Variants in CNBD2 observed in about 807,000 individuals in gnomAD.
The protein encoded by CNBD2 is cyclic nucleotide binding domain containing 2, also known as cyclic nucleotide-binding domain-containing protein 2.
CNBD2 carries 64 observed loss-of-function variants against 63.7 expected under a neutral mutation model. The observed-to-expected ratio is 1.00, with a 90% CI of 0.82 to 1.24. The LOEUF (loss-of-function observed/expected upper bound fraction) is 1.24, where lower values mean the gene tolerates loss of function less well. CNBD2 is among the 50% of genes most tolerant of loss of function. The pLI is 0.00. For missense variants in CNBD2, 691 were observed against 713.5 expected (o/e 0.97, Z 0.36); for synonymous variants, 229 against 255.4 (o/e 0.90, Z 0.99).
At chr20:36,002,487 C>T (rs570777219) in intron 8 of CNBD2, among the ~76,000 whole-genome samples, 3 of 152,230 alleles carry the variant, frequency 2.0e-5, no homozygotes, top group South Asian at 2.1e-4. Context: ...GATGGGGTTT[C>T]GCCATGTTGG....
chr20:35,982,767 C>T (rs1319785072), intron 4 of CNBD2, among the ~76,000 whole-genome samples: 1 of 151,664 alleles, frequency 6.6e-6, no homozygotes, highest in Non-Finnish European at 1.5e-5. Context: ...GGCCAGAGTG[C>T]AGTGGTATGA....
chr20:35,972,922 G>T, intron 2 of CNBD2, 156 bp downstream of exon 2: 1 of 678,272 alleles, frequency 1.5e-6, no homozygotes, highest in South Asian at 1.9e-5. Context: ...TACTTCTGTT[G>T]GAGAGGGTGA....
intron 2 of CNBD2, among the ~76,000 whole-genome samples, chr20:35,961,244 TA>T (rs1203056678): frequency 6.6e-6 from 1 of 152,200 alleles, no homozygotes; most frequent in Non-Finnish European, 1.5e-5. Flanking sequence ...TGGCTCTTTT[TA>T]AATCATTCAT....
intron 8 of CNBD2, among the ~76,000 whole-genome samples, chr20:36,003,455 G>T (rs570778238): frequency 6.6e-6 from 1 of 152,226 alleles, no homozygotes; most frequent in Admixed American, 6.5e-5. Context: ...TTTTAAATTT[G>T]TTATGTGGGG....
chr20:35,962,578 G>C (rs1430494869), intron 2 of CNBD2, among the ~76,000 whole-genome samples: 1 of 152,044 alleles, frequency 6.6e-6, no homozygotes, highest in Admixed American at 6.6e-5. Flanking sequence ...TCTTACTAAG[G>C]TCCCCAGGAC....
chr20:35,979,447 A>C (rs1278624181), intron 3 of CNBD2, among the ~76,000 whole-genome samples: 1 of 152,246 alleles, frequency 6.6e-6, no homozygotes, highest in Non-Finnish European at 1.5e-5. Flanking sequence ...TTGTAGAAAC[A>C]AGGTCTTGCT....
intron 10 of CNBD2, among the ~76,000 whole-genome samples, chr20:36,019,733 A>G (rs939494710): frequency 3.3e-5 from 5 of 151,896 alleles, no homozygotes; most frequent in African/African-American, 7.3e-5. Flanking sequence ...GAAGGGTGAG[A>G]CAGCCCAGGC....
At chr20:36,018,809 T>A (rs1396609210) in intron 10 of CNBD2, among the ~76,000 whole-genome samples, 6 of 152,202 alleles carry the variant, frequency 3.9e-5, no homozygotes, top group African/African-American at 1.4e-4. Flanking sequence ...GCAAGCAGCA[T>A]TTCTTATTTT....
chr20:36,011,288 G>A (rs2057057556), intron 10 of CNBD2, 31 bp downstream of exon 10: 2 of 1,491,706 alleles, frequency 1.3e-6, no homozygotes, highest in Admixed American at 4.4e-5. Flanking sequence ...GTTCACCATG[G>A]AGTACGTAAC....
chr20:36,023,550 C>A, intron 10 of CNBD2, 52 bp from the exon 11 acceptor site: 5 of 1,374,250 alleles, frequency 3.6e-6, no homozygotes, highest in South Asian at 3.2e-5. Flanking sequence ...TGAAAATCTG[C>A]GGGCAGACCT....
chr20:35,993,867 CTTTTTTTTTTTT>C (rs58873487), intron 7 of CNBD2, among the ~76,000 whole-genome samples: 5 of 86,476 alleles, frequency 5.8e-5, no homozygotes, highest in South Asian at 4.0e-4. Flanking sequence ...TTCAGCTAAT[CTTTTTTTTTTTT>C]TTTTTTTTTT....
intron 10 of CNBD2, among the ~76,000 whole-genome samples, chr20:36,020,983 G>A (rs567438165): frequency 6.6e-6 from 1 of 152,206 alleles, no homozygotes; most frequent in East Asian, 1.9e-4. Context: ...AACCCAAATG[G>A]TGGAGGTGGG....
upstream of CNBD2, chr20:35,954,426 G>C (rs1205449628): frequency 1.9e-6 from 3 of 1,550,690 alleles, no homozygotes; most frequent in African/African-American, 1.4e-5. Flanking sequence ...CTCGGGACCG[G>C]CCGAGAGTGT....
At chr20:35,985,985 C>T (rs1197149056) in intron 6 of CNBD2, among the ~76,000 whole-genome samples, 1 of 152,140 alleles carries the variant, frequency 6.6e-6, no homozygotes, top group Non-Finnish European at 1.5e-5. Flanking sequence ...TAAATAATTA[C>T]AATCACATGT....
chr20:35,978,421 T>C (rs1296046589), intron 3 of CNBD2, among the ~76,000 whole-genome samples: 1 of 151,202 alleles, frequency 6.6e-6, no homozygotes, highest in Non-Finnish European at 1.5e-5. Context: ...CTGGGCTCAC[T>C]ACAAGCTCTG....
intron 4 of CNBD2, among the ~76,000 whole-genome samples, chr20:35,983,426 C>T (rs1455027126): frequency 6.6e-6 from 1 of 152,104 alleles, no homozygotes; most frequent in Non-Finnish European, 1.5e-5. Context: ...GGCCTGGGCA[C>T]CTCTACCCCA....
At chr20:35,995,853 T>G (rs1370158848) in intron 8 of CNBD2, among the ~76,000 whole-genome samples, 1 of 152,220 alleles carries the variant, frequency 6.6e-6, no homozygotes, top group Non-Finnish European at 1.5e-5. Context: ...TAACTGAATA[T>G]CTGAGACTGG....
chr20:35,983,405 T>A (rs768258137), intron 4 of CNBD2, among the ~76,000 whole-genome samples: 52 of 152,160 alleles, frequency 3.4e-4, no homozygotes, highest in Non-Finnish European at 1.3e-4. Context: ...AAGAACTCCT[T>A]GTTCGCTCTG....
chr20:36,024,572 T>G (rs2057260607), intron 11 of CNBD2, among the ~76,000 whole-genome samples: 1 of 151,938 alleles, frequency 6.6e-6, no homozygotes, highest in African/African-American at 2.4e-5. Flanking sequence ...GAGTTTGAAG[T>G]GAGCCAAAAT....
Sources: allele counts gnomAD v4.1 joint callset (sites outside exome capture counted in the v4.1 genomes callset), GRCh38; gene constraint gnomAD v4.1.1; transcripts MANE v1.5; gene names NCBI Gene and HGNC (gene_info 2026-07-23, HGNC 2026-07-21).